The following DNAJC15 variants were observed in gnomAD, a reference collection of about 807,000 sequenced individuals.
DNAJC15 encodes dnaJ homolog subfamily C member 15.
DNAJC15 carries 27 observed loss-of-function variants against 22.4 expected under a neutral mutation model. The observed-to-expected ratio is 1.20, with a 90% CI of 0.89 to 1.66. The LOEUF (loss-of-function observed/expected upper bound fraction) is 1.66, where lower values mean the gene tolerates loss of function less well. DNAJC15 is among the 40% of genes most tolerant of loss of function. DNAJC15 has a pLI of 0.00. For missense variants in DNAJC15, 208 were observed against 187.1 expected (o/e 1.11, Z -0.65); for synonymous variants, 79 against 63.2 (o/e 1.25, Z -1.19).
chr13:43,063,351 T>C (rs1360323753), intron 1 of DNAJC15, among the ~76,000 whole-genome samples: 1 of 150,280 alleles, frequency 6.7e-6, no homozygotes, highest in Non-Finnish European at 1.5e-5. Flanking sequence ...TACTGATTGT[T>C]TGACATGTCC....
intron 5 of DNAJC15, 55 bp from the exon 6 acceptor site, chr13:43,107,123 T>A: frequency 7.0e-7 from 1 of 1,438,104 alleles, no homozygotes; most frequent in South Asian, 1.4e-5. Flanking sequence ...TTTGGGGACT[T>A]TAAAGTATGT....
intron 1 of DNAJC15, among the ~76,000 whole-genome samples, chr13:43,045,902 C>T (rs915252831): frequency 6.6e-6 from 1 of 152,122 alleles, no homozygotes; most frequent in Non-Finnish European, 1.5e-5. Flanking sequence ...TTGTCTGTCT[C>T]TCTTGCTAAA....
rs1230354006 is a variant in DNAJC15 at position 43,112,831 on chromosome 13, A to G, written c.*5583A>G. ...ATTGCACTCATTCTAAATATGTGGG[A>G]ATCAGAATGAAGGGGCTTGTATGAC... On this transcript the variant is annotated 3_prime_UTR_variant, in exon 6 of 6. Transcript: ENST00000379221. 1 of 152,214 alleles carries G rather than the reference A, an allele frequency of 6.6e-6. No homozygotes were observed. The highest frequency in any genetic ancestry group is 6.5e-5 in the Admixed American group (1 of 15,282). 9.4% of individuals were successfully genotyped at this position (152,214 alleles called of 1,614,324 possible).
intron 1 of DNAJC15, among the ~76,000 whole-genome samples, chr13:43,024,347 T>TTTTG (rs1213710820): frequency 7.1e-6 from 1 of 140,398 alleles, no homozygotes; most frequent in Admixed American, 7.1e-5. Context: ...GTTTTTTTTT[T>TTTTG]TTTTTTTTTT....
intron 1 of DNAJC15, among the ~76,000 whole-genome samples, chr13:43,031,867 G>A (rs1418887391): frequency 6.6e-6 from 1 of 152,072 alleles, no homozygotes; most frequent in Non-Finnish European, 1.5e-5. Context: ...GGTCTAACTA[G>A]GAAAACATAT....
chr13:43,065,050 A>G (rs1197325540), intron 1 of DNAJC15, among the ~76,000 whole-genome samples: 1 of 152,128 alleles, frequency 6.6e-6, no homozygotes, highest in Non-Finnish European at 1.5e-5. Context: ...TGTGACACTA[A>G]TAGTTTCCTG....
chr13:43,063,440 CTA>C (rs139976507), intron 1 of DNAJC15, among the ~76,000 whole-genome samples: 29 of 152,302 alleles, frequency 1.9e-4, no homozygotes, highest in Non-Finnish European at 4.1e-4. Context: ...AATACTGTTG[CTA>C]TACTGTTGGG....
chr13:43,070,759 T>C (rs1216277461), intron 3 of DNAJC15, among the ~76,000 whole-genome samples: 1 of 152,098 alleles, frequency 6.6e-6, no homozygotes, highest in Admixed American at 6.6e-5. Flanking sequence ...TAGGGCCTAA[T>C]AGACAATGAA....
intron 5 of DNAJC15, among the ~76,000 whole-genome samples, chr13:43,087,353 G>A (rs2040693567): frequency 6.6e-6 from 1 of 152,186 alleles, no homozygotes; most frequent in Admixed American, 6.5e-5. Context: ...TAAAAGTGTA[G>A]TGATAGGAAT....
intron 1 of DNAJC15, among the ~76,000 whole-genome samples, chr13:43,058,948 T>C (rs2040544061): frequency 6.6e-6 from 1 of 152,220 alleles, no homozygotes; most frequent in South Asian, 2.1e-4. Flanking sequence ...TCTCACACTT[T>C]GGGCACTTAA....
intron 3 of DNAJC15, 99 bp downstream of exon 3, chr13:43,069,102 T>G: frequency 2.5e-6 from 3 of 1,212,446 alleles, no homozygotes; most frequent in Non-Finnish European, 3.4e-6. Context: ...TTCCAATGTT[T>G]GTAGAAGTTT....
intron 1 of DNAJC15, among the ~76,000 whole-genome samples, chr13:43,042,932 A>G (rs1454963242): frequency 4.6e-5 from 7 of 152,136 alleles, no homozygotes; most frequent in Non-Finnish European, 1.0e-4. Flanking sequence ...AACTGTCACC[A>G]TGTTCCTGGG....
At chr13:43,097,056 G>A (rs2040743197) in intron 5 of DNAJC15, among the ~76,000 whole-genome samples, 1 of 152,228 alleles carries the variant, frequency 6.6e-6, no homozygotes, top group Non-Finnish European at 1.5e-5. Flanking sequence ...AAGTTTTGGG[G>A]TGGTTTGTTA....
intron 1 of DNAJC15, among the ~76,000 whole-genome samples, chr13:43,050,000 C>T (rs758873547): frequency 6.6e-6 from 1 of 152,186 alleles, no homozygotes; most frequent in Non-Finnish European, 1.5e-5. Context: ...CACACTGCAA[C>T]TTCCACTTCC....
intron 1 of DNAJC15, among the ~76,000 whole-genome samples, chr13:43,031,059 G>A (rs1203533134): frequency 6.6e-6 from 1 of 152,156 alleles, no homozygotes; most frequent in Non-Finnish European, 1.5e-5. Context: ...ATGCTTAAAG[G>A]GGGCAGTCAC....
chr13:43,045,900 C>G (rs2040475126), intron 1 of DNAJC15, among the ~76,000 whole-genome samples: 1 of 152,156 alleles, frequency 6.6e-6, no homozygotes, highest in Admixed American at 6.5e-5. Context: ...TGTTGTCTGT[C>G]TCTCTTGCTA....
At chr13:43,046,609 G>T (rs921446396) in intron 1 of DNAJC15, among the ~76,000 whole-genome samples, 1 of 152,184 alleles carries the variant, frequency 6.6e-6, no homozygotes, top group African/African-American at 2.4e-5. Flanking sequence ...AGAGCACAGG[G>T]GGAGGGGCAG....
intron 1 of DNAJC15, among the ~76,000 whole-genome samples, chr13:43,026,481 GC>G (rs1222339898): frequency 3.3e-5 from 5 of 152,122 alleles, no homozygotes; most frequent in African/African-American, 1.2e-4. Context: ...GGGTTGTTCT[GC>G]TTCTTTTGGG....
chr13:43,102,093 A>T (rs925515531), intron 5 of DNAJC15, among the ~76,000 whole-genome samples: 9 of 151,886 alleles, frequency 5.9e-5, no homozygotes, highest in Non-Finnish European at 5.9e-5. Flanking sequence ...AACATTTATA[A>T]TTTTTTTTGA....
Sources: allele counts gnomAD v4.1 joint callset (sites outside exome capture counted in the v4.1 genomes callset), GRCh38; gene constraint gnomAD v4.1.1; transcripts MANE v1.5; gene names NCBI Gene and HGNC (gene_info 2026-07-23, HGNC 2026-07-21).